Variants in ZSCAN29 observed in about 807,000 individuals in gnomAD.
The protein encoded by ZSCAN29 is zinc finger and SCAN domain containing 29.
In ZSCAN29, 55 loss-of-function variants were observed where a neutral mutation model predicts 71.9. The ratio of observed to expected loss-of-function variants is 0.76; its 90% CI spans 0.62 to 0.96. The LOEUF (loss-of-function observed/expected upper bound fraction) is 0.96, where lower values mean the gene tolerates loss of function less well. ZSCAN29 is among the 40% of genes least tolerant of loss of function. The pLI, the probability that ZSCAN29 is intolerant of heterozygous loss-of-function variation, is 0.00. For synonymous variants in ZSCAN29, 351 were observed against 371.6 expected (o/e 0.94, Z 0.64); for missense variants, 1,042 against 1,042.2 (o/e 1.00, Z 0.00).
rs1379198209 is a variant in ZSCAN29, at chr15:43,359,353, G to A, written c.*1720C>T. 6.6e-6 allele frequency: 1 copy of A among 152,190 alleles called. No homozygotes were observed. Among genetic ancestry groups the A allele is most frequent in the Non-Finnish European group, 1.5e-5 (1 of 68,034 alleles). The allele number at this position is 152,190 out of a possible 1,614,324, so 9.4% of individuals were successfully genotyped here. A position where few individuals can be genotyped will look rare whatever the true frequency, so the allele number is the denominator to read the frequency against. ...GACAAGGAGAGGACCTGTTGACCTT[G>A]TGCTATACAGGGCTCATCATACTAT... On this transcript the variant is annotated 3_prime_UTR_variant, in exon 6 of 6. Transcript: ENST00000684362.
chr15:43,368,914 ACTC>A lies in ZSCAN29; in HGVS notation c.523+6_523+8del, dbSNP rs1321620897. Reference sequence around the variant, plus strand: ...GCAGTCTATCTTCCCATATGAATCTACTCCTCACCGCTCCTTTGAAAAGGTTTG... The same window carrying A: ...GCAGTCTATCTTCCCATATGAATCTACTCACCGCTCCTTTGAAAAGGTTTG... On this transcript the variant is annotated splice_donor_region_variant and intron_variant, in intron 3 of 5. Coordinates refer to ENST00000684362, the MANE Select transcript of ZSCAN29 (RefSeq NM_001372080.1). 1.9e-6 allele frequency: 3 copies of A among 1,585,242 alleles called. No individual in the cohort carries two copies. Among genetic ancestry groups the A allele is most frequent in the Admixed American group, 3.5e-5 (2 of 56,672 alleles).
Position 43,370,032 on chromosome 15 carries a change from C to T in ZSCAN29, c.-112-7G>A, listed in dbSNP as rs2044086264. 1 of 1,068,814 alleles carries T rather than the reference C, an allele frequency of 9.4e-7. No homozygotes were observed. Among genetic ancestry groups the T allele is most frequent in the Non-Finnish European group, 1.3e-6 (1 of 752,454 alleles). The allele number at this position is 1,068,814 out of a possible 1,614,324, so 66.2% of individuals were successfully genotyped here. A position where few individuals can be genotyped will look rare whatever the true frequency, so the allele number is the denominator to read the frequency against. Reference sequence around the variant, plus strand: ...CTGTAAGAGGTGTTTCTTCCTAGGGCAGAGAAAGATGGCACTATCAGAAGG... The same window carrying T: ...CTGTAAGAGGTGTTTCTTCCTAGGGTAGAGAAAGATGGCACTATCAGAAGG... On this transcript the variant is annotated splice_polypyrimidine_tract_variant and splice_region_variant and intron_variant, in intron 1 of 5. Transcript: ENST00000684362.
At chr15:43,369,163 CATA>C (rs757376243) in intron 2 of ZSCAN29, 36 bp from the exon 3 acceptor site, 52 of 1,512,338 alleles carry the variant, frequency 3.4e-5, no homozygotes, top group Non-Finnish European at 4.5e-5. Context: ...ACTGCAAGAT[CATA>C]ATGAGGGGCA....
rs758485935 is a variant in ZSCAN29, at chr15:43,364,002, C to T, written c.1603G>A (p.Glu535Lys). Residue 535 changes from glutamate (E) to lysine (K), a missense_variant, in exon 5 of 6, where the codon GAA (glutamate) becomes AAA (lysine). Physicochemically the swap from Glu to Lys is moderately conservative, Grantham distance 56. Coordinates refer to ENST00000684362, the MANE Select transcript of ZSCAN29 (RefSeq NM_001372080.1). ...TCCTCTTCATCATCATCAGAATCTT[C>T]CTCTGTGGCCTCGTCTGCTTCCTCA... is the stretch of plus-strand genomic sequence containing the variant. ...QAEEADEATE[E>K]DSDDDEEDTE... is the part of the protein sequence containing the mutation. The T allele has an allele frequency of 2.5e-6, 4 of 1,614,214 alleles. No homozygotes were observed. The highest frequency in any genetic ancestry group is 3.3e-5 in the Admixed American group (2 of 60,026).
chr15:43,366,891 A>G, intron 3 of ZSCAN29, 83 bp from the exon 4 acceptor site: 3 of 1,282,542 alleles, frequency 2.3e-6, no homozygotes, highest in Non-Finnish European at 3.2e-6. Context: ...TGCCTTTTTC[A>G]TCCAAGAGGA....
In ZSCAN29 at chr15:43,369,989, A is replaced by G; in HGVS notation, c.-76T>C. 7.0e-7 allele frequency: 1 copy of G among 1,424,514 alleles called. No homozygotes were observed. The highest frequency in any genetic ancestry group is 9.4e-7 in the Non-Finnish European group (1 of 1,058,854). 88.2% of individuals were successfully genotyped at this position (1,424,514 alleles called of 1,614,324 possible). A position where few individuals can be genotyped will look rare whatever the true frequency, so the allele number is the denominator to read the frequency against. The stretch of plus-strand genomic sequence containing the variant: ...TACATCTATCTTCCCATGTCCTTGG[A>G]GAATCCCCTGCAGATGACTGTAAGA... On this transcript the variant is annotated 5_prime_UTR_variant, in exon 2 of 6. Coordinates refer to ENST00000684362, the MANE Select transcript of ZSCAN29 (RefSeq NM_001372080.1).
chr15:43,362,349 G>A (rs2043990906), intron 5 of ZSCAN29, among the ~76,000 whole-genome samples: 1 of 152,160 alleles, frequency 6.6e-6, no homozygotes, highest in South Asian at 2.1e-4. Context: ...TAACTAAAAG[G>A]TTTAGAAGGA....
At chr15:43,365,280 G>A (rs543030398) in intron 4 of ZSCAN29, among the ~76,000 whole-genome samples, 90 of 152,194 alleles carry the variant, frequency 5.9e-4, no homozygotes, top group Non-Finnish European at 1.1e-3. Flanking sequence ...TAAGCCTCCT[G>A]AGTCATACTT....
intron 3 of ZSCAN29, 95 bp from the exon 4 acceptor site, chr15:43,366,903 T>G (rs1348752877): frequency 9.0e-6 from 11 of 1,219,928 alleles, no homozygotes; most frequent in Non-Finnish European, 1.1e-5. Flanking sequence ...CCAAGAGGAT[T>G]ATAAACAAAG....
Position 43,369,883 on chromosome 15 carries a change from C to T in ZSCAN29, c.31G>A (p.Gly11Ser), listed in dbSNP as rs2044083654. The change falls in exon 2 of 6, where the codon GGC becomes AGC. Residue 11 changes from glycine to serine, a missense_variant. Physicochemically the swap from Gly to Ser is moderately conservative, Grantham distance 56. Transcript: ENST00000684362. MMAKSALREN[G>S]TNSETFRQRF... ...TGTCGGAAGGTCTCAGAGTTAGTGCCATTCTCTCTTAGAGCTGATTTGGCC... is the reference window on the plus strand; with the variant it reads ...TGTCGGAAGGTCTCAGAGTTAGTGCTATTCTCTCTTAGAGCTGATTTGGCC... 6.2e-7 allele frequency: 1 copy of T among 1,609,904 alleles called. No individual in the cohort carries two copies. The highest frequency in any genetic ancestry group is 1.7e-5 in the Admixed American group (1 of 59,942).
intron 1 of ZSCAN29, chr15:43,370,343 A>C (rs1465674269): frequency 6.3e-6 from 1 of 158,558 alleles, no homozygotes; most frequent in East Asian, 1.9e-4. Flanking sequence ...ACAAGTCACC[A>C]TCCTGCTTGA....
Position 43,361,924 on chromosome 15 carries a change from C to A in ZSCAN29, c.1708G>T (p.Glu570Ter). 6.2e-7 allele frequency: 1 copy of A among 1,608,474 alleles called. No homozygotes were observed. The highest frequency in any genetic ancestry group is 8.5e-7 in the Non-Finnish European group (1 of 1,176,522). ...TCCCGTTTTGAATTATCTTCATTCT[C>A]AAATCCAGCTTCAAAACCTGATGTA... is the stretch of plus-strand genomic sequence containing the variant. ...QSPRGFEAGF[E>*]NEDNSKRDIS... is the part of the protein sequence containing the mutation. The change falls in exon 6 of 6, where the codon GAG becomes TAG. Residue 570 changes from glutamate (E) to a stop codon, truncating the protein, a stop_gained. Transcript: ENST00000684362. LOFTEE classifies it high-confidence loss of function.
At chr15:43,369,240 T>C in intron 2 of ZSCAN29, 113 bp from the exon 3 acceptor site, 1 of 1,154,520 alleles carries the variant, frequency 8.7e-7, no homozygotes, top group East Asian at 2.6e-5. Context: ...GCCAGGGTTG[T>C]AGGGGTGAGG....
In ZSCAN29 at chr15:43,364,749, G is replaced by A. The variant is rs138709189; in HGVS notation, c.1223-367C>T. Among the ~76,000 whole-genome samples, 361 of 151,932 alleles carry A rather than the reference G, an allele frequency of 2.4e-3. 7 individuals carry two copies. The East Asian group carries it at 0.055, about 23-fold the overall frequency. ...AAAAACACAGAAAAATTAGCCAGGC[G>A]TGGTGGTGTGCACCTATAGTCCCAG... On this transcript the variant is annotated intron_variant, in intron 4 of 5. Coordinates refer to ENST00000684362, the MANE Select transcript of ZSCAN29 (RefSeq NM_001372080.1).
rs2043969762 is a variant in ZSCAN29, at chr15:43,360,693, CGAAAT to C, written c.*375_*379del. 5.8e-6 allele frequency: 1 copy of C among 172,016 alleles called. No individual in the cohort carries two copies. The highest frequency in any genetic ancestry group is 1.3e-5 in the Non-Finnish European group (1 of 79,486). 10.7% of individuals were successfully genotyped at this position (172,016 alleles called of 1,614,324 possible). A position where few individuals can be genotyped will look rare whatever the true frequency, so the allele number is the denominator to read the frequency against. ...TGGGCAAAGTCTCATAACTTCTTCT[CGAAAT>C]GTAATGGGTTTTTCCTGTCAAAATG... On this transcript the variant is annotated 3_prime_UTR_variant, in exon 6 of 6. Coordinates refer to ENST00000684362, the MANE Select transcript of ZSCAN29 (RefSeq NM_001372080.1).
chr15:43,363,867 C>T (rs1416490790), intron 5 of ZSCAN29, 48 bp downstream of exon 5: 2 of 1,511,370 alleles, frequency 1.3e-6, no homozygotes, highest in African/African-American at 1.4e-5. Flanking sequence ...TCCTAAGTCC[C>T]ATTGTCTTCC....
In ZSCAN29 at chr15:43,361,900, C is replaced by T; in HGVS notation, c.1732G>A (p.Asp578Asn). 6.2e-7 allele frequency: 1 copy of T among 1,613,642 alleles called. No individual in the cohort carries two copies. The highest frequency in any genetic ancestry group is 1.3e-5 in the African/African-American group (1 of 75,012). Residue 578 changes from aspartate (D) to asparagine (N), a missense_variant, in exon 6 of 6, where the codon GAT becomes AAT. By Grantham distance (23) the Asp-to-Asn change is conservative (BLOSUM62 1). Transcript: ENST00000684362. ...GFENEDNSKR[D>N]ISEEVQLHRT... ...TGCAGTTGTACTTCCTCAGAAATAT[C>T]CCGTTTTGAATTATCTTCATTCTCA...
At position 43,364,070 on chromosome 15, in the gene ZSCAN29, C is replaced by T. The variant is rs1198799110; in HGVS notation, c.1535G>A (p.Cys512Tyr). The change falls in exon 5 of 6, where the codon TGC becomes TAC. Residue 512 changes from cysteine to tyrosine, a missense_variant. Transcript: ENST00000684362. ...PNDGQEETAS[C>Y]PVQGTSEAEA... The stretch of plus-strand genomic sequence containing the variant: ...AGCCTCACTGGTCCCCTGGACGGGG[C>T]AAGAAGCAGTCTCTTCCTGGCCATC... 6.2e-7 allele frequency: 1 copy of T among 1,614,162 alleles called. No homozygotes were observed. The highest frequency in any genetic ancestry group is 1.7e-5 in the Admixed American group (1 of 60,032).
At chr15:43,363,764 T>C in intron 5 of ZSCAN29, 151 bp downstream of exon 5, 1 of 672,298 alleles carries the variant, frequency 1.5e-6, no homozygotes, top group Non-Finnish European at 2.4e-6. Context: ...ATCCCCTCAG[T>C]GAGCTGCTTT....
Sources: gnomAD v4.1 joint callset for allele counts (sites outside exome capture counted in the v4.1 genomes callset) on GRCh38, gnomAD v4.1.1 for gene constraint, MANE v1.5 for transcripts, NCBI Gene and HGNC (gene_info 2026-07-23, HGNC 2026-07-21) for gene names.